Variants in EBF1 observed in about 807,000 individuals in gnomAD.
EBF1 encodes the protein EBF transcription factor 1, also known as transcription factor COE1.
EBF1 carries 10 observed loss-of-function variants against 68.4 expected under a neutral mutation model. The observed-to-expected ratio is 0.15, with a 90% confidence interval of 0.09 to 0.25. The LOEUF (loss-of-function observed/expected upper bound fraction) is 0.25. EBF1 is among the 10% of genes least tolerant of loss of function. The probability of loss-of-function intolerance (pLI) is 1.00; values close to 1 mark genes in which losing one functional copy is unlikely to be tolerated. For synonymous variants in EBF1, 298 were observed against 299.8 expected, an observed-to-expected ratio of 0.99 and a Z score of 0.06; for missense variants, 509 against 794.4, an observed-to-expected ratio of 0.64 and a Z score of 4.32.
chr5:158,751,479 G>T (rs1768892378), intron 10 of EBF1, among the ~76,000 whole-genome samples: 1 of 152,028 alleles, frequency 6.6e-6, no homozygotes, highest in South Asian at 2.1e-4. Flanking sequence ...TACACTCAGG[G>T]ATCATCACAC....
At chr5:158,909,333 C>CTGGTTTGGTT (rs979089466) in intron 6 of EBF1, among the ~76,000 whole-genome samples, 1 of 151,984 alleles carries the variant, frequency 6.6e-6, no homozygotes. Context: ...TTCTGTTTGG[C>CTGGTTTGGTT]TGGTTTGGTT....
Position 159,097,051 on chromosome 5 carries a change from G to A in EBF1, c.214C>T (p.Leu72=), listed in dbSNP as rs1029877086. ...LRKSNFFHFV[L]ALYDRQGQPV... Reference sequence around the variant, plus strand: ...TGGCCCTGTCTGTCGTAGAGGGCCAGGACGAAGTGGAAGAAGTTGGATTTC... The same window carrying A: ...TGGCCCTGTCTGTCGTAGAGGGCCAAGACGAAGTGGAAGAAGTTGGATTTC... Residue 72 remains leucine, a synonymous_variant, in exon 2 of 16, where the codon CTG becomes TTG. Coordinates refer to ENST00000313708, the MANE Select transcript of EBF1 (RefSeq NM_024007.5). 6.2e-6 allele frequency: 10 copies of A among 1,614,014 alleles called. No individual in the cohort carries two copies. Among genetic ancestry groups the A allele is most frequent in the Non-Finnish European group, 7.6e-6 (9 of 1,179,988 alleles).
chr5:158,985,178 G>T (rs1758777313), intron 6 of EBF1, among the ~76,000 whole-genome samples: 1 of 152,154 alleles, frequency 6.6e-6, no homozygotes, highest in African/African-American at 2.4e-5. Context: ...TCATGAAAAT[G>T]ATACGAGAAT....
chr5:158,936,299 A>C (rs1163285801), intron 6 of EBF1, among the ~76,000 whole-genome samples: 3 of 152,228 alleles, frequency 2.0e-5, no homozygotes, highest in Non-Finnish European at 4.4e-5. Flanking sequence ...CAGAGAGCAC[A>C]GGAGAACAGA....
chr5:158,752,346 G>C (rs928845007), intron 10 of EBF1, among the ~76,000 whole-genome samples: 7 of 118,476 alleles, frequency 5.9e-5, no homozygotes, highest in Admixed American at 2.5e-4. Context: ...AAAAAAAAAA[G>C]CACAGCTTAG....
At chr5:158,868,584 G>A (rs1796333810) in intron 6 of EBF1, among the ~76,000 whole-genome samples, 1 of 152,166 alleles carries the variant, frequency 6.6e-6, no homozygotes, top group African/African-American at 2.4e-5. Context: ...TTTTTGTTAT[G>A]TGAAAACTGA....
chr5:159,062,737 T>C (rs1052396274), intron 6 of EBF1, among the ~76,000 whole-genome samples: 1 of 152,220 alleles, frequency 6.6e-6, no homozygotes, highest in Admixed American at 6.5e-5. Context: ...TTGCAAAGGA[T>C]GCCACATATA....
Position 158,998,424 on chromosome 5 carries a change from C to A in EBF1, c.554+74972G>T, listed in dbSNP as rs187257774. Among the ~76,000 whole-genome samples, 3 of 152,262 alleles carry A rather than the reference C, an allele frequency of 2.0e-5. No individual in the cohort carries two copies. In the East Asian group the frequency reaches 5.8e-4, roughly 29 times the overall value. On this transcript the variant is annotated intron_variant, in intron 6 of 15. Coordinates refer to ENST00000313708, the MANE Select transcript of EBF1 (RefSeq NM_024007.5). ...CTGAGATTATAGCATATATTTATTTCTCTTCCACATCGAGGATGAGAGTTC... is the reference window on the plus strand; with the variant it reads ...CTGAGATTATAGCATATATTTATTTATCTTCCACATCGAGGATGAGAGTTC...
At chr5:158,748,011 T>C (rs1013275575) in intron 10 of EBF1, among the ~76,000 whole-genome samples, 2 of 152,126 alleles carry the variant, frequency 1.3e-5, no homozygotes, top group Admixed American at 6.6e-5. Context: ...AGCTAATACA[T>C]TGGAAGTAAT....
intron 10 of EBF1, among the ~76,000 whole-genome samples, chr5:158,772,803 C>A (rs1774131981): frequency 6.6e-6 from 1 of 152,068 alleles, no homozygotes; most frequent in African/African-American, 2.4e-5. Flanking sequence ...ATCATAATGG[C>A]CACCATTTAT....
In EBF1 at chr5:159,099,270, CTG is replaced by C. The variant is rs1783209053; in HGVS notation, c.134+73_134+74del. On this transcript the variant is annotated intron_variant, in intron 1 of 15. Coordinates refer to ENST00000313708, the MANE Select transcript of EBF1 (RefSeq NM_024007.5). ...CCCGGCCCCGCGGCAGCAGCTGCCGCTGCCGCTGCCGCCTCCGCCTCCCGGCT... is the reference window on the plus strand; with the variant it reads ...CCCGGCCCCGCGGCAGCAGCTGCCGCCCGCTGCCGCCTCCGCCTCCCGGCT... 27 of 1,249,974 alleles carry C rather than the reference CTG, an allele frequency of 2.2e-5. No individual in the cohort carries two copies. In the African/African-American group the frequency reaches 2.4e-4, roughly 11 times the overall value. 77.4% of individuals were successfully genotyped at this position (1,249,974 alleles called of 1,614,324 possible).
intron 6 of EBF1, among the ~76,000 whole-genome samples, chr5:158,916,161 T>A (rs1210707736): frequency 6.6e-6 from 1 of 152,204 alleles, no homozygotes; most frequent in South Asian, 2.1e-4. Context: ...AGTGCCTTTA[T>A]GCCAAGGATG....
At chr5:158,926,870 A>T (rs1809823541) in intron 6 of EBF1, among the ~76,000 whole-genome samples, 1 of 152,250 alleles carries the variant, frequency 6.6e-6, no homozygotes, top group South Asian at 2.1e-4. Flanking sequence ...GACTTTAGTA[A>T]TGTATTAATT....
chr5:158,885,317 A>G (rs1799819646), intron 6 of EBF1, among the ~76,000 whole-genome samples: 3 of 152,380 alleles, frequency 2.0e-5, no homozygotes, highest in South Asian at 2.1e-4. Context: ...AAAGGGGAAC[A>G]GTGAGAAGAC....
At chr5:158,960,564 T>C (rs1316409630) in intron 6 of EBF1, among the ~76,000 whole-genome samples, 6 of 152,186 alleles carry the variant, frequency 3.9e-5, no homozygotes, top group Non-Finnish European at 7.3e-5. Context: ...GAGGAAAATG[T>C]TTGAAAAATG....
chr5:159,079,577 C>G (rs2127966004), intron 5 of EBF1, among the ~76,000 whole-genome samples: 1 of 151,828 alleles, frequency 6.6e-6, no homozygotes, highest in South Asian at 2.1e-4. Context: ...TATGACTCCC[C>G]CTCTTTGAAA....
intron 6 of EBF1, among the ~76,000 whole-genome samples, chr5:159,018,361 G>A (rs1053573292): frequency 6.6e-6 from 1 of 152,180 alleles, no homozygotes; most frequent in Non-Finnish European, 1.5e-5. Context: ...AAAAATCTTT[G>A]CAAATCCCTG....
intron 6 of EBF1, among the ~76,000 whole-genome samples, chr5:158,855,441 C>T (rs1793789150): frequency 6.6e-6 from 1 of 152,188 alleles, no homozygotes; most frequent in African/African-American, 2.4e-5. Flanking sequence ...TAGTGGCAGC[C>T]TCTAGTTCCC....
chr5:158,731,185 A>G (rs777823795), intron 10 of EBF1, 28 bp from the exon 11 acceptor site: 1 of 1,605,322 alleles, frequency 6.2e-7, no homozygotes, highest in Non-Finnish European at 8.5e-7. Flanking sequence ...CACAATTAGT[A>G]CATTTTCAAG....
Sources: gnomAD v4.1 joint callset for allele counts (sites outside exome capture counted in the v4.1 genomes callset) on GRCh38, gnomAD v4.1.1 for gene constraint, MANE v1.5 for transcripts, NCBI Gene and HGNC (gene_info 2026-07-23, HGNC 2026-07-21) for gene names.